Variants in SLCO3A1 observed in about 807,000 individuals in gnomAD.
The protein encoded by SLCO3A1 is solute carrier organic anion transporter family member 3A1.
Under a neutral mutation model 63.1 loss-of-function variants are expected in SLCO3A1, and 27 were observed. That is an observed-to-expected ratio of 0.43 (90% confidence interval 0.32 to 0.59). The LOEUF is 0.59. Ranked by LOEUF, SLCO3A1 falls within the 20% of genes least tolerant of loss-of-function variation. The probability of loss-of-function intolerance (pLI) is 0.09; values close to 1 mark genes in which losing one functional copy is unlikely to be tolerated. For missense variants in SLCO3A1, 773 were observed against 945.8 expected, an observed-to-expected ratio of 0.82 and a Z score of 2.40; for synonymous variants, 473 against 409.9, an observed-to-expected ratio of 1.15 and a Z score of -1.86.
chr15:92,064,470 C>G (rs1173419794), intron 2 of SLCO3A1, among the ~76,000 whole-genome samples: 1 of 152,160 alleles, frequency 6.6e-6, no homozygotes, highest in East Asian at 1.9e-4. Flanking sequence ...TTACTTTGTA[C>G]TCTGGCTGCC....
intron 9 of SLCO3A1, among the ~76,000 whole-genome samples, chr15:92,157,512 G>A (rs1223232523): frequency 7.1e-6 from 1 of 140,440 alleles, no homozygotes. Context: ...TTTTTTTTGA[G>A]ACCAGTCTCA....
At position 92,165,295 on chromosome 15, in the gene SLCO3A1, A is replaced by T. The variant is rs746025890; in HGVS notation, c.*2160A>T. The T allele has an allele frequency of 2.3e-5, 23 of 985,414 alleles. No homozygotes were observed. The highest frequency in any genetic ancestry group is 2.8e-5 in the Non-Finnish European group (23 of 829,894). 61.0% of individuals were successfully genotyped at this position (985,414 alleles called of 1,614,324 possible). A position where few individuals can be genotyped will look rare whatever the true frequency, so the allele number is the denominator to read the frequency against. On this transcript the variant is annotated 3_prime_UTR_variant, in exon 10 of 10. Transcript: ENST00000318445. Reference sequence around the variant, plus strand: ...ACACTCATCAGTACGTTAACTACTAAAGGGGAGATGGTTCTCCAACCACTT... The same window carrying T: ...ACACTCATCAGTACGTTAACTACTATAGGGGAGATGGTTCTCCAACCACTT...
At chr15:92,118,289 C>G (rs1047607360) in intron 4 of SLCO3A1, among the ~76,000 whole-genome samples, 3 of 152,248 alleles carry the variant, frequency 2.0e-5, no homozygotes, top group Admixed American at 2.0e-4. Context: ...GCCACCAGCT[C>G]TGGTTATCAT....
intron 6 of SLCO3A1, among the ~76,000 whole-genome samples, chr15:92,126,999 C>T (rs796351110): frequency 6.6e-6 from 1 of 152,232 alleles, no homozygotes; most frequent in South Asian, 2.1e-4. Flanking sequence ...GACCACGAGG[C>T]CTGCTCCTGC....
Position 92,120,619 on chromosome 15 carries a change from C to T in SLCO3A1, c.1164C>T (p.Asn388=). The T allele has an allele frequency of 6.2e-7, 1 of 1,613,434 alleles. No homozygotes were observed. The stretch of plus-strand genomic sequence containing the variant: ...TTAACCTCACCACCTCTTCTGCCAA[C>T]CAGCTGCTTGGTGAGTGTGTCCTCA... ...QQFNLTTSSA[N]QLLGMTAIPC... is the part of the protein sequence containing the mutation. The change falls in exon 5 of 10, where the codon AAC becomes AAT. Residue 388 remains asparagine, a synonymous_variant. Transcript: ENST00000318445.
At chr15:91,910,892 G>A (rs968598923) in intron 1 of SLCO3A1, among the ~76,000 whole-genome samples, 3 of 152,178 alleles carry the variant, frequency 2.0e-5, no homozygotes, top group South Asian at 2.1e-4. Flanking sequence ...CCAAGGCCCC[G>A]CCACCCAGAC....
Position 92,165,396 on chromosome 15 carries a change from A to G in SLCO3A1, c.*2261A>G, listed in dbSNP as rs1240225781. On this transcript the variant is annotated 3_prime_UTR_variant, in exon 10 of 10. Coordinates refer to ENST00000318445, the MANE Select transcript of SLCO3A1 (RefSeq NM_013272.4). ...CAGATTTTGGTTTAGTTTTGCAAAT[A>G]TATTGCTAATAGGTCACTCTTATAG... 1.0e-6 allele frequency: 1 copy of G among 985,152 alleles called. No individual in the cohort carries two copies. Among genetic ancestry groups the G allele is most frequent in the East Asian group, 1.1e-4 (1 of 8,824 alleles). The allele number at this position is 985,152 out of a possible 1,614,324, so 61.0% of individuals were successfully genotyped here.
At chr15:92,050,334 C>T (rs1017774507) in intron 2 of SLCO3A1, among the ~76,000 whole-genome samples, 2 of 152,150 alleles carry the variant, frequency 1.3e-5, no homozygotes, top group East Asian at 1.9e-4. Context: ...GATGACAAGG[C>T]AATTTATTGC....
chr15:92,141,598 T>G (rs775471539), intron 7 of SLCO3A1, among the ~76,000 whole-genome samples: 8 of 152,222 alleles, frequency 5.3e-5, no homozygotes, highest in Non-Finnish European at 8.8e-5. Flanking sequence ...GGTGCCCAGT[T>G]ACTGCCAGCT....
intron 8 of SLCO3A1, chr15:92,149,118 C>T (rs2048270816): frequency 6.6e-6 from 1 of 152,562 alleles, no homozygotes; most frequent in Non-Finnish European, 1.5e-5. Context: ...TGCAAAAACC[C>T]AGCCTCTAGA....
chr15:91,938,473 G>GTTTTTTTTTTTTTTTTTTTTTTTTT (rs1035027089), intron 2 of SLCO3A1, among the ~76,000 whole-genome samples: 1 of 126,744 alleles, frequency 7.9e-6, no homozygotes, highest in African/African-American at 3.4e-5. Flanking sequence ...CTAAACATTG[G>GTTTTTTTTTTTTTTTTTTTTTTTTT]TTTTTTTTGT....
chr15:91,880,399 C>CTGTGTGTGTGTGTGTGTGTGTG (rs1158728794), intron 1 of SLCO3A1, among the ~76,000 whole-genome samples: 4 of 114,482 alleles, frequency 3.5e-5, no homozygotes, highest in South Asian at 4.1e-4. Context: ...CTCTCTCTCT[C>CTGTGTGTGTGTGTGTGTGTGTG]TCTCTCTCTC....
Position 91,912,132 on chromosome 15 carries a change from C to T in SLCO3A1, c.181-3861C>T, listed in dbSNP as rs1287469469. Among the ~76,000 whole-genome samples, 1 of 152,168 alleles carries T rather than the reference C, an allele frequency of 6.6e-6. No homozygotes were observed. Among genetic ancestry groups the T allele is most frequent in the Non-Finnish European group, 1.5e-5 (1 of 68,034 alleles). On this transcript the variant is annotated intron_variant, in intron 1 of 9. Coordinates refer to ENST00000318445, the MANE Select transcript of SLCO3A1 (RefSeq NM_013272.4). The surrounding 1 kb of genome is among the most constrained non-coding windows in gnomAD (Gnocchi z 5.0). Reference sequence around the variant, plus strand: ...TCTTCTCTAATTATCAAGACCTTCTCCATTAGTCCTGTTACCCATTAAGTA... The same window carrying T: ...TCTTCTCTAATTATCAAGACCTTCTTCATTAGTCCTGTTACCCATTAAGTA...
At chr15:92,121,591 C>G (rs568220128) in intron 5 of SLCO3A1, among the ~76,000 whole-genome samples, 2 of 151,944 alleles carry the variant, frequency 1.3e-5, no homozygotes, top group East Asian at 3.9e-4. Context: ...GGATGATAAT[C>G]GATATTATAT....
chr15:92,013,597 G>A (rs1446340976), intron 2 of SLCO3A1, among the ~76,000 whole-genome samples: 1 of 152,212 alleles, frequency 6.6e-6, no homozygotes, highest in East Asian at 1.9e-4. Flanking sequence ...ATGACTTAAA[G>A]TATTAAGAAG....
intron 3 of SLCO3A1, among the ~76,000 whole-genome samples, chr15:92,101,060 C>A (rs1345979844): frequency 6.6e-6 from 1 of 152,192 alleles, no homozygotes; most frequent in Non-Finnish European, 1.5e-5. Context: ...AATGCAGACA[C>A]TGATAACATC....
At chr15:91,998,018 A>G (rs912189449) in intron 2 of SLCO3A1, among the ~76,000 whole-genome samples, 5 of 152,262 alleles carry the variant, frequency 3.3e-5, no homozygotes, top group Admixed American at 1.3e-4. Context: ...AAGAGCTTCT[A>G]CATAACAAAA....
At chr15:92,089,008 A>T (rs200480486) in intron 2 of SLCO3A1, among the ~76,000 whole-genome samples, 40 of 90,576 alleles carry the variant, frequency 4.4e-4, no homozygotes, top group East Asian at 3.4e-3. Context: ...TTATTTATTT[A>T]TTATTTATTT....
In SLCO3A1 at chr15:91,967,352, G is replaced by C. The variant is rs1900696789; in HGVS notation, c.646+50894G>C. On this transcript the variant is annotated intron_variant, in intron 2 of 9. Transcript: ENST00000318445. This position sits in a 1 kb window ranked among gnomAD's most constrained non-coding sequence, Gnocchi z 4.4. ...TAGATTAACTGCTCTACACAGAAAT[G>C]AACAGCAGTATAGATTAACCCATAA... is the stretch of plus-strand genomic sequence containing the variant. Among the ~76,000 whole-genome samples, 1 of 152,162 alleles carries C rather than the reference G, an allele frequency of 6.6e-6. No homozygotes were observed. The highest frequency in any genetic ancestry group is 6.5e-5 in the Admixed American group (1 of 15,278).
Sources: gnomAD v4.1 joint callset for allele counts (sites outside exome capture counted in the v4.1 genomes callset) on GRCh38, gnomAD v4.1.1 for gene constraint, Gnocchi (gnomAD v3.1) non-coding constraint, MANE v1.5 for transcripts, NCBI Gene and HGNC (gene_info 2026-07-23, HGNC 2026-07-21) for gene names.